Variants in DPY19L3 observed in about 807,000 individuals in gnomAD.
DPY19L3 encodes the protein dpy-19 like C-mannosyltransferase 3, also known as protein C-mannosyl-transferase DPY19L3.
DPY19L3 carries 51 observed loss-of-function variants against 92.3 expected under a neutral mutation model. The ratio of observed to expected loss-of-function variants is 0.55; its 90% CI spans 0.44 to 0.70. DPY19L3 has a LOEUF of 0.70. Among genes scored for constraint, DPY19L3 ranks in the 30% least tolerant of loss-of-function variants. The pLI is 0.00. For missense variants in DPY19L3, 706 were observed against 855.9 expected, an observed-to-expected ratio of 0.82 and a Z score of 2.18; for synonymous variants, 309 against 315.2, an observed-to-expected ratio of 0.98 and a Z score of 0.21.
intron 3 of DPY19L3, among the ~76,000 whole-genome samples, chr19:32,424,035 A>G (rs1202271880): frequency 1.3e-5 from 2 of 151,992 alleles, no homozygotes; most frequent in Non-Finnish European, 2.9e-5. Flanking sequence ...TGGGGAGGCC[A>G]GCTGGCACAG....
chr19:32,458,515 G>A lies in DPY19L3; in HGVS notation c.1322+6G>A. ...GTTGCCTTTCATAATCTCAGGTATG[G>A]TATATTTCAGAAATCTAATGCTCTC... On this transcript the variant is annotated splice_donor_region_variant and intron_variant, in intron 12 of 18. Transcript: ENST00000392250. The A allele has an allele frequency of 1.3e-6, 2 of 1,596,998 alleles. No individual in the cohort carries two copies. Among genetic ancestry groups the A allele is most frequent in the Admixed American group, 1.8e-5 (1 of 55,404 alleles).
chr19:32,412,016 C>G (rs1161067369), intron 3 of DPY19L3: 1 of 152,072 alleles, frequency 6.6e-6, no homozygotes, highest in African/African-American at 2.4e-5. Context: ...CACTGGGACC[C>G]CAGGCATGCA....
Position 32,476,928 on chromosome 19 carries a change from G to T in DPY19L3, c.1698-594G>T, listed in dbSNP as rs1159087338. On this transcript the variant is annotated intron_variant, in intron 16 of 18. Coordinates refer to ENST00000392250, the MANE Select transcript of DPY19L3 (RefSeq NM_001172774.2). ...TCTGTTTTTATTTATGGTGGTATCT[G>T]TGATTTTTTTCCTTATTGCTTTTTT... Among the ~76,000 whole-genome samples, 10 of 152,162 alleles carry T rather than the reference G, an allele frequency of 6.6e-5. No individual in the cohort carries two copies. The East Asian group carries it at 1.9e-3, about 29-fold the overall frequency.
chr19:32,479,282 G>A (rs895789254), intron 17 of DPY19L3, among the ~76,000 whole-genome samples: 4 of 151,970 alleles, frequency 2.6e-5, no homozygotes, highest in Non-Finnish European at 5.9e-5. Flanking sequence ...CAGGAAAGGG[G>A]CTCCCTGGCT....
chr19:32,463,425 C>G lies in DPY19L3; in HGVS notation c.1382C>G (p.Pro461Arg). 1 of 1,613,774 alleles carries G rather than the reference C, an allele frequency of 6.2e-7. No homozygotes were observed. Among genetic ancestry groups the G allele is most frequent in the Non-Finnish European group, 8.5e-7 (1 of 1,179,802 alleles). Residue 461 changes from proline to arginine, a missense_variant, in exon 13 of 19, where the codon CCA becomes CGA. Coordinates refer to ENST00000392250, the MANE Select transcript of DPY19L3 (RefSeq NM_001172774.2). Reference sequence around the variant, plus strand: ...GAAAAAGGCACAGTTGACCTGAAACCAGAAACTGCCTACAACTTAATACAT... The same window carrying G: ...GAAAAAGGCACAGTTGACCTGAAACGAGAAACTGCCTACAACTTAATACAT... The part of the protein sequence containing the change: ...KMEKGTVDLK[P>R]ETAYNLIHTI...
intron 10 of DPY19L3, among the ~76,000 whole-genome samples, chr19:32,455,609 G>A (rs557562241): frequency 5.3e-5 from 8 of 151,922 alleles, no homozygotes; most frequent in Non-Finnish European, 1.0e-4. Flanking sequence ...AATAAGTAAA[G>A]TGGCCTTACT....
chr19:32,408,527 C>T (rs769943857), intron 2 of DPY19L3, among the ~76,000 whole-genome samples, 171 bp downstream of exon 2: 13 of 152,134 alleles, frequency 8.5e-5, no homozygotes, highest in Non-Finnish European at 1.3e-4. Flanking sequence ...TATGATTTGA[C>T]AAAAGATGAA....
intron 16 of DPY19L3, among the ~76,000 whole-genome samples, chr19:32,476,109 G>A (rs1441215164): frequency 1.3e-5 from 2 of 152,130 alleles, no homozygotes; most frequent in African/African-American, 4.8e-5. Flanking sequence ...TGTCTTGCTT[G>A]TAGACATCCA....
Position 32,419,204 on chromosome 19 carries a change from A to T in DPY19L3, c.237+7832A>T, listed in dbSNP as rs541667394. Among the ~76,000 whole-genome samples the T allele has an allele frequency of 1.4e-4, 21 of 148,058 alleles. No homozygotes were observed. In the East Asian group the frequency reaches 3.6e-3, roughly 25 times the overall value. ...GAGACAGAGTCTCGCTGTGTCGCCC[A>T]GGCTGGAGTGCAGTGGCGCGATCTC... On this transcript the variant is annotated intron_variant, in intron 3 of 18. Transcript: ENST00000392250.
intron 3 of DPY19L3, among the ~76,000 whole-genome samples, chr19:32,420,195 A>C (rs1406722162): frequency 6.6e-6 from 1 of 151,978 alleles, no homozygotes; most frequent in Non-Finnish European, 1.5e-5. Flanking sequence ...TTCTGCCCTT[A>C]TGGTGCCTGG....
In DPY19L3 at chr19:32,454,630, A is replaced by G. The variant is rs1281907224; in HGVS notation, c.988-309A>G. Among the ~76,000 whole-genome samples, 4 of 152,194 alleles carry G rather than the reference A, an allele frequency of 2.6e-5. No homozygotes were observed. The East Asian group carries it at 7.7e-4, about 29-fold the overall frequency. On this transcript the variant is annotated intron_variant, in intron 9 of 18. Transcript: ENST00000392250. ...CAGTTTGTTCAGTCAGCGTATCCTG[A>G]GTACCTTCCAAATGGCAGACCCCAA...
rs66481682 is a variant in DPY19L3 at position 32,422,629 on chromosome 19, AACAC to A, written c.238-10058_238-10055del. 2.0e-3 allele frequency among the ~76,000 whole-genome samples: 300 copies of A among 146,822 alleles called. 1 individual carries two copies. The highest frequency in any genetic ancestry group is 0.013 in the East Asian group (65 of 4,988). On this transcript the variant is annotated intron_variant, in intron 3 of 18. Coordinates refer to ENST00000392250, the MANE Select transcript of DPY19L3 (RefSeq NM_001172774.2). ...AGAACGAGAACAATAAATCAGGAAA[AACAC>A]ACACACACACACACACACACACACA... is the stretch of plus-strand genomic sequence containing the variant.
At chr19:32,431,450 G>C (rs762487169) in intron 3 of DPY19L3, among the ~76,000 whole-genome samples, 1 of 150,804 alleles carries the variant, frequency 6.6e-6, no homozygotes, top group Non-Finnish European at 1.5e-5. Context: ...GTTTTGTTTT[G>C]TTTTTAACAC....
intron 3 of DPY19L3, among the ~76,000 whole-genome samples, chr19:32,432,287 T>C (rs895382459): frequency 2.6e-5 from 4 of 152,202 alleles, no homozygotes; most frequent in African/African-American, 9.7e-5. Context: ...CAGAGTAAAA[T>C]TCATGTGTCT....
chr19:32,436,530 T>G lies in DPY19L3; in HGVS notation c.413T>G (p.Val138Gly). The change falls in exon 5 of 19, where the codon GTT (valine) becomes GGT (glycine). Residue 138 changes from valine to glycine, a missense_variant. Val to Gly is a moderately radical substitution (Grantham distance 109). Transcript: ENST00000392250. The part of the protein sequence containing the change: ...LLQRMNIYQE[V>G]FLSILYRVLP... ...CAGCGAATGAATATTTACCAAGAGGTTTTTCTCAGTATTTTATATAGAGTT... is the reference window on the plus strand; with the variant it reads ...CAGCGAATGAATATTTACCAAGAGGGTTTTCTCAGTATTTTATATAGAGTT... 1.3e-6 allele frequency: 2 copies of G among 1,575,532 alleles called. No homozygotes were observed. Among genetic ancestry groups the G allele is most frequent in the Non-Finnish European group, 1.7e-6 (2 of 1,154,896 alleles).
chr19:32,454,669 A>G (rs569773434), intron 9 of DPY19L3, among the ~76,000 whole-genome samples: 2 of 152,294 alleles, frequency 1.3e-5, no homozygotes, highest in African/African-American at 2.4e-5. Flanking sequence ...TCCTGTTTCT[A>G]AGGTCTGAAA....
At chr19:32,481,905 C>A in intron 18 of DPY19L3, 174 bp from the exon 19 acceptor site, 1 of 693,756 alleles carries the variant, frequency 1.4e-6, no homozygotes, top group Non-Finnish European at 2.3e-6. Flanking sequence ...GTCTGCACTT[C>A]TGAAGGGGGA....
At chr19:32,471,699 C>G (rs1970363061) in intron 16 of DPY19L3, among the ~76,000 whole-genome samples, 1 of 152,098 alleles carries the variant, frequency 6.6e-6, no homozygotes, top group Admixed American at 6.6e-5. Context: ...TCCAAGTATT[C>G]TCAGAGGGCT....
intron 17 of DPY19L3, among the ~76,000 whole-genome samples, chr19:32,478,819 T>C (rs1970588305): frequency 6.6e-6 from 1 of 152,240 alleles, no homozygotes. Context: ...TCTTTTGTGA[T>C]TATATGAACA....
Sources: allele counts gnomAD v4.1 joint callset (sites outside exome capture counted in the v4.1 genomes callset), GRCh38; gene constraint gnomAD v4.1.1; transcripts MANE v1.5; gene names NCBI Gene and HGNC (gene_info 2026-07-23, HGNC 2026-07-21).